SLC2A14: variants seen among roughly 807,000 people sequenced by gnomAD.
SLC2A14 encodes solute carrier family 2, facilitated glucose transporter member 14.
A neutral mutation model predicts 43.0 loss-of-function variants in SLC2A14; 13 were observed. The observed-to-expected ratio is 0.30, with a 90% CI of 0.20 to 0.48. The LOEUF is 0.48. Ranked by LOEUF, SLC2A14 falls within the 20% of genes least tolerant of loss-of-function variation. The probability of loss-of-function intolerance (pLI) is 0.99; values close to 1 mark genes in which losing one functional copy is unlikely to be tolerated. For missense variants in SLC2A14, 428 were observed against 620.4 expected (o/e 0.69, Z 3.29); for synonymous variants, 190 against 233.8 (o/e 0.81, Z 1.71).
intron 1 of SLC2A14, among the ~76,000 whole-genome samples, chr12:7,883,042 C>G (rs916806051): frequency 2.0e-5 from 3 of 151,924 alleles, no homozygotes; most frequent in South Asian, 2.1e-4. Flanking sequence ...AACCCTGTCT[C>G]TACTAAAAAT....
chr12:7,879,408 G>A (rs1945528001), intron 1 of SLC2A14, among the ~76,000 whole-genome samples: 1 of 151,872 alleles, frequency 6.6e-6, no homozygotes, highest in Non-Finnish European at 1.5e-5. Flanking sequence ...GAGGCCAGGT[G>A]CTATGGCTTA....
chr12:7,875,258 A>ATAG (rs1945443962), upstream of SLC2A14, among the ~76,000 whole-genome samples: 1 of 138,012 alleles, frequency 7.2e-6, no homozygotes, highest in African/African-American at 2.7e-5. Flanking sequence ...TATATATATA[A>ATAG]TTTCTTTGGG....
intron 1 of SLC2A14, among the ~76,000 whole-genome samples, chr12:7,880,746 C>T (rs1238107038): frequency 6.7e-6 from 1 of 148,624 alleles, no homozygotes; most frequent in Non-Finnish European, 1.5e-5. Flanking sequence ...GTGGCTCATG[C>T]TTGTAATCCC....
Position 7,829,948 on chromosome 12 carries a change from G to A in SLC2A14, c.331C>T (p.Leu111=). Residue 111 remains leucine (L), a synonymous_variant, in exon 5 of 11, where the codon CTG becomes TTG. Transcript: ENST00000431042. ...TCAACTGACTCAGCTATTTTACACA[G>A]TCCCATAAGGCAGCCACCAGTGGCA... ...LAATGGCLMG[L]CKIAESVEML... 6.2e-7 allele frequency: 1 copy of A among 1,614,186 alleles called. No homozygotes were observed.
At chr12:7,815,602 G>GT (rs1863370651) in intron 10 of SLC2A14, among the ~76,000 whole-genome samples, 1 of 152,032 alleles carries the variant, frequency 6.6e-6, no homozygotes, top group Non-Finnish European at 1.5e-5. Context: ...TTGAGACGGA[G>GT]TTTCGCTCTT....
chr12:7,865,536 CAA>C (rs777728882), intron 2 of SLC2A14, among the ~76,000 whole-genome samples: 1 of 135,142 alleles, frequency 7.4e-6, no homozygotes, highest in Non-Finnish European at 1.6e-5. Flanking sequence ...GACTCTGTCT[CAA>C]AAAAAAAAAT....
chr12:7,860,533 GAGA>G (rs1328848864), intron 2 of SLC2A14: 3 of 152,134 alleles, frequency 2.0e-5, no homozygotes, highest in African/African-American at 7.2e-5. Flanking sequence ...GAAATCCTTG[GAGA>G]AGGTGTGCGC....
intron 2 of SLC2A14, among the ~76,000 whole-genome samples, chr12:7,865,149 T>C (rs1209178273): frequency 6.6e-6 from 1 of 152,204 alleles, no homozygotes; most frequent in Non-Finnish European, 1.5e-5. Flanking sequence ...TATTATTATA[T>C]CTGTTATAGT....
In SLC2A14 at chr12:7,869,930, A is replaced by G. The variant is rs901103234; in HGVS notation, c.-50T>C. The G allele has an allele frequency of 5.7e-5, 87 of 1,523,406 alleles. No homozygotes were observed. Among genetic ancestry groups the G allele is most frequent in the Non-Finnish European group, 5.2e-5 (59 of 1,138,114 alleles). The allele number at this position is 1,523,406 out of a possible 1,614,324, so 94.4% of individuals were successfully genotyped here. ...TCCCTCTCCAATTTCTCTTCAAGGT[A>G]CTGCTTCCTGTAAATTGTAATTGTC... On this transcript the variant is annotated 5_prime_UTR_variant, in exon 2 of 11. Coordinates refer to ENST00000431042, the MANE Select transcript of SLC2A14 (RefSeq NM_001286234.2).
chr12:7,832,345 C>T (rs7970550), intron 3 of SLC2A14, among the ~76,000 whole-genome samples: 36,521 of 152,086 alleles, frequency 0.24, 5,028 homozygotes, highest in Middle Eastern at 0.34. Flanking sequence ...AGGGATAATA[C>T]AGGAAGTGTA....
At chr12:7,821,382 A>T in intron 7 of SLC2A14, 57 bp from the exon 8 acceptor site, 1 of 1,470,884 alleles carries the variant, frequency 6.8e-7, no homozygotes, top group Non-Finnish European at 9.5e-7. Context: ...CTTACACAGA[A>T]CCCTCAAAAA....
At chr12:7,888,235 T>C (rs776235197) in intron 1 of SLC2A14, among the ~76,000 whole-genome samples, 7 of 152,078 alleles carry the variant, frequency 4.6e-5, no homozygotes, top group Non-Finnish European at 1.0e-4. Context: ...ATGCCAAATG[T>C]GAACCTACCC....
intron 1 of SLC2A14, chr12:7,872,003 T>C: frequency 1.7e-6 from 1 of 601,998 alleles, no homozygotes. Flanking sequence ...TAAGGTACTA[T>C]TTATTTATCT....
At chr12:7,830,665 A>G (rs1864945099) in intron 4 of SLC2A14, among the ~76,000 whole-genome samples, 1 of 152,020 alleles carries the variant, frequency 6.6e-6, no homozygotes, top group Non-Finnish European at 1.5e-5. Context: ...AGGGGGAAGA[A>G]CATTAGCAAG....
At position 7,826,463 on chromosome 12, in the gene SLC2A14, G is replaced by A. The variant is rs955794652; in HGVS notation, c.864+1032C>T. 6.6e-5 allele frequency among the ~76,000 whole-genome samples: 10 copies of A among 152,198 alleles called. No homozygotes were observed. The East Asian group carries it at 1.5e-3, about 24-fold the overall frequency. On this transcript the variant is annotated intron_variant, in intron 7 of 10. Transcript: ENST00000431042. ...GGAGAAAAGGCCAAGAACCAACTTA[G>A]TATTAAAATGCTCAAAATACTAAGT...
intron 4 of SLC2A14, 35 bp from the exon 5 acceptor site, chr12:7,830,041 A>G: frequency 4.3e-6 from 7 of 1,612,530 alleles, no homozygotes; most frequent in South Asian, 1.1e-5. Flanking sequence ...TGGAATTAGC[A>G]AAGTGAGAGG....
upstream of SLC2A14, among the ~76,000 whole-genome samples, chr12:7,876,172 C>G (rs771661893): frequency 4.0e-4 from 59 of 147,394 alleles, no homozygotes; most frequent in African/African-American, 1.4e-3. Flanking sequence ...TCCCAGCTAC[C>G]TGGGAGGTGG....
chr12:7,873,941 G>A (rs999396721), upstream of SLC2A14, among the ~76,000 whole-genome samples: 22 of 152,070 alleles, frequency 1.4e-4, no homozygotes, highest in African/African-American at 5.3e-4. Flanking sequence ...CTTCAGTACA[G>A]GGTTGACAAG....
At chr12:7,829,379 G>A (rs755791178) in intron 5 of SLC2A14, among the ~76,000 whole-genome samples, 2 of 151,976 alleles carry the variant, frequency 1.3e-5, no homozygotes, top group South Asian at 4.2e-4. Context: ...GGCCAACATG[G>A]TGAAATCCTG....
Sources: allele counts gnomAD v4.1 joint callset (sites outside exome capture counted in the v4.1 genomes callset), GRCh38; gene constraint gnomAD v4.1.1; transcripts MANE v1.5; gene names NCBI Gene and HGNC (gene_info 2026-07-23, HGNC 2026-07-21).